HSPBP1: variants seen among roughly 807,000 people sequenced by gnomAD.
HSPBP1 encodes the protein hsp70-binding protein 1.
HSPBP1 carries 31 observed loss-of-function variants against 41.7 expected under a neutral mutation model. That is an observed-to-expected ratio of 0.74 (90% CI 0.56 to 1.00). The LOEUF (loss-of-function observed/expected upper bound fraction) is 1.00, where lower values mean the gene tolerates loss of function less well. HSPBP1 is among the 50% of genes least tolerant of loss of function. The probability of loss-of-function intolerance (pLI) is 0.00; values close to 1 mark genes in which losing one functional copy is unlikely to be tolerated. For missense variants in HSPBP1, 439 were observed against 487.9 expected, an observed-to-expected ratio of 0.90 and a Z score of 0.94; for synonymous variants, 199 against 214.4, an observed-to-expected ratio of 0.93 and a Z score of 0.63.
At chr19:55,262,726 G>A in intron 7 of HSPBP1, 44 bp from the exon 8 acceptor site, 2 of 1,556,134 alleles carry the variant, frequency 1.3e-6, no homozygotes, top group South Asian at 1.2e-5. Flanking sequence ...GAGTGCAGAG[G>A]CCGGACCCTG....
At chr19:55,263,294 A>G (rs908816585) in intron 7 of HSPBP1, among the ~76,000 whole-genome samples, 5 of 152,198 alleles carry the variant, frequency 3.3e-5, no homozygotes, top group African/African-American at 1.2e-4. Flanking sequence ...CTTTTCAACA[A>G]TCAGTTTGAA....
chr19:55,277,757 C>G lies in HSPBP1; in HGVS notation c.300G>C (p.Leu100=). 6.2e-7 allele frequency: 1 copy of G among 1,607,494 alleles called. No individual in the cohort carries two copies. Among genetic ancestry groups the G allele is most frequent in the Non-Finnish European group, 8.5e-7 (1 of 1,176,940 alleles). ...CAGCAGTGGGGGGCATGGGCTGTGACAGCACTCGGAGGCAGCTCTTCATCT... is the reference window on the plus strand; with the variant it reads ...CAGCAGTGGGGGGCATGGGCTGTGAGAGCACTCGGAGGCAGCTCTTCATCT... ...VEQMKSCLRV[L]SQPMPPTAGE... The change falls in exon 3 of 8, where the codon CTG becomes CTC. Residue 100 remains leucine, a synonymous_variant. Coordinates refer to ENST00000433386, the MANE Select transcript of HSPBP1 (RefSeq NM_012267.5).
chr19:55,273,431 C>T (rs979129283), intron 4 of HSPBP1, among the ~76,000 whole-genome samples: 26 of 152,314 alleles, frequency 1.7e-4, no homozygotes, highest in Non-Finnish European at 2.9e-4. Flanking sequence ...CCAGCACATA[C>T]GAAGAGCTCC....
At chr19:55,276,890 GTGT>G (rs1352410053) in intron 3 of HSPBP1, among the ~76,000 whole-genome samples, 3 of 152,118 alleles carry the variant, frequency 2.0e-5, no homozygotes, top group Admixed American at 6.6e-5. Context: ...TCTGTGCCTG[GTGT>G]TGTGCGGGCC....
At chr19:55,266,384 A>G in intron 4 of HSPBP1, 98 bp from the exon 5 acceptor site, 1 of 1,166,794 alleles carries the variant, frequency 8.6e-7, no homozygotes, top group Non-Finnish European at 1.2e-6. Context: ...CATCACCAAC[A>G]TCATCATCAC....
intron 2 of HSPBP1, among the ~76,000 whole-genome samples, chr19:55,278,103 C>A (rs2088125339): frequency 6.6e-6 from 1 of 152,028 alleles, no homozygotes; most frequent in African/African-American, 2.4e-5. Flanking sequence ...AAAAATTAGC[C>A]AGGCCTGGTG....
At position 55,277,640 on chromosome 19, in the gene HSPBP1, A is replaced by G; in HGVS notation, c.415+2T>C. The G allele has an allele frequency of 6.2e-7, 1 of 1,602,992 alleles. No individual in the cohort carries two copies. Among genetic ancestry groups the G allele is most frequent in the Non-Finnish European group, 8.5e-7 (1 of 1,176,152 alleles). On this transcript the variant is annotated splice_donor_variant, in intron 3 of 7. Coordinates refer to ENST00000433386, the MANE Select transcript of HSPBP1 (RefSeq NM_012267.5). LOFTEE classifies it high-confidence loss of function. Reference sequence around the variant, plus strand: ...AACGTCCTGGCGGGGGAAGCGGGGTACCTGCGGCATTGTCCATGTTCTCAC... The same window carrying G: ...AACGTCCTGGCGGGGGAAGCGGGGTGCCTGCGGCATTGTCCATGTTCTCAC...
At chr19:55,263,008 C>T (rs1039711501) in intron 7 of HSPBP1, among the ~76,000 whole-genome samples, 4 of 152,066 alleles carry the variant, frequency 2.6e-5, no homozygotes, top group African/African-American at 7.2e-5. Flanking sequence ...CCCCAGAAAC[C>T]ATGAAAGAAA....
rs972412846 is a variant in HSPBP1 at position 55,272,698 on chromosome 19, G to T, written c.640+1700C>A. Among the ~76,000 whole-genome samples, 3 of 152,048 alleles carry T rather than the reference G, an allele frequency of 2.0e-5. No individual in the cohort carries two copies. The highest frequency in any genetic ancestry group is 7.2e-5 in the African/African-American group (3 of 41,404). On this transcript the variant is annotated intron_variant, in intron 4 of 7. Transcript: ENST00000433386. This position sits in a 1 kb window ranked among gnomAD's most constrained non-coding sequence, Gnocchi z 4.2. ...TCTACTAAAAATACAAAAATTAGCC[G>T]GGCGCGGTGGCGGGCGCCTGTAATC...
In HSPBP1 at chr19:55,280,056, C is replaced by T. The variant is rs1019537466; in HGVS notation, c.-116G>A. 2.3e-4 allele frequency: 57 copies of T among 243,564 alleles called. 1 individual carries two copies. Among genetic ancestry groups the T allele is most frequent in the Non-Finnish European group, 1.7e-4 (21 of 123,878 alleles). The allele number at this position is 243,564 out of a possible 1,614,324, so 15.1% of individuals were successfully genotyped here. A position where few individuals can be genotyped will look rare whatever the true frequency, so the allele number is the denominator to read the frequency against. ...TCACCTCCCCGGGTCCTCAAGCCGC[C>T]GCTGCTCCTACAGACAAAGTCGTCC... On this transcript the variant is annotated 5_prime_UTR_variant, in exon 1 of 8. Coordinates refer to ENST00000433386, the MANE Select transcript of HSPBP1 (RefSeq NM_012267.5).
At position 55,268,747 on chromosome 19, in the gene HSPBP1, C is replaced by T. The variant is rs764526340; in HGVS notation, c.641-2461G>A. On this transcript the variant is annotated intron_variant, in intron 4 of 7. Coordinates refer to ENST00000433386, the MANE Select transcript of HSPBP1 (RefSeq NM_012267.5). This position sits in a 1 kb window ranked among gnomAD's most constrained non-coding sequence, Gnocchi z 4.5. ...GAGTGCAGTGGCAGTTGGCTCACTG[C>T]GACATACGTCTCTCGGGTTCAAGCA... 1.4e-4 allele frequency among the ~76,000 whole-genome samples: 21 copies of T among 151,836 alleles called. No homozygotes were observed. The highest frequency in any genetic ancestry group is 3.4e-3 in the Middle Eastern group (1 of 294).
chr19:55,274,347 A>AG, intron 4 of HSPBP1, 51 bp downstream of exon 4: 3 of 325,716 alleles, frequency 9.2e-6, no homozygotes, highest in Non-Finnish European at 1.7e-5. Context: ...CCCACCCGGC[A>AG]CCCCCCCCCA....
At chr19:55,266,083 C>A in intron 5 of HSPBP1, 48 bp downstream of exon 5, 1 of 1,581,056 alleles carries the variant, frequency 6.3e-7, no homozygotes, top group Non-Finnish European at 8.6e-7. Context: ...TGCACCCACC[C>A]CAGGGCGTCT....
intron 3 of HSPBP1, among the ~76,000 whole-genome samples, chr19:55,275,987 T>G (rs1340034206): frequency 6.8e-6 from 1 of 146,230 alleles, no homozygotes; most frequent in Non-Finnish European, 1.5e-5. Context: ...CCTGATGACA[T>G]GCACCTGTAA....
rs1339154020 is a variant in HSPBP1 at position 55,270,790 on chromosome 19, C to T, written c.640+3608G>A. On this transcript the variant is annotated intron_variant, in intron 4 of 7. Transcript: ENST00000433386. The surrounding 1 kb of genome is among the most constrained non-coding windows in gnomAD (Gnocchi z 5.4). Reference sequence around the variant, plus strand: ...CACATCCACACACCACACATACGCACCACACATACACACCTCATATGCACC... The same window carrying T: ...CACATCCACACACCACACATACGCATCACACATACACACCTCATATGCACC... Among the ~76,000 whole-genome samples, 1 of 151,202 alleles carries T rather than the reference C, an allele frequency of 6.6e-6. No homozygotes were observed. The highest frequency in any genetic ancestry group is 2.4e-5 in the African/African-American group (1 of 41,050).
At chr19:55,277,450 G>C (rs998169935) in intron 3 of HSPBP1, among the ~76,000 whole-genome samples, 192 bp downstream of exon 3, 5 of 151,796 alleles carry the variant, frequency 3.3e-5, no homozygotes, top group African/African-American at 1.2e-4. Context: ...AGCTGATCAG[G>C]GAAGTGGGGG....
intron 4 of HSPBP1, among the ~76,000 whole-genome samples, chr19:55,266,517 CCAT>C (rs1289475975): frequency 3.9e-5 from 3 of 77,128 alleles, no homozygotes; most frequent in African/African-American, 1.6e-4. Flanking sequence ...ACCACCACCA[CCAT>C]CACCACCACC....
intron 7 of HSPBP1, 98 bp downstream of exon 7, chr19:55,265,180 G>T: frequency 4.1e-6 from 2 of 482,288 alleles, no homozygotes; most frequent in South Asian, 3.9e-5. Context: ...GATCCTCCTC[G>T]AACCCCATCC....
Position 55,262,273 on chromosome 19 carries a change from C to G in HSPBP1, c.*335G>C. ...TTATTCTTCCAGTGGCTCCCCAAGT[C>G]CCTTAAACCCGTGCCCCTCCTCCCG... is the stretch of plus-strand genomic sequence containing the variant. On this transcript the variant is annotated 3_prime_UTR_variant, in exon 8 of 8. Coordinates refer to ENST00000433386, the MANE Select transcript of HSPBP1 (RefSeq NM_012267.5). 1 of 776,192 alleles carries G rather than the reference C, an allele frequency of 1.3e-6. No homozygotes were observed. The highest frequency in any genetic ancestry group is 1.6e-6 in the Non-Finnish European group (1 of 609,674). The allele number at this position is 776,192 out of a possible 1,614,324, so 48.1% of individuals were successfully genotyped here.
Sources: allele counts gnomAD v4.1 joint callset (sites outside exome capture counted in the v4.1 genomes callset), GRCh38; gene constraint gnomAD v4.1.1; non-coding constraint Gnocchi (gnomAD v3.1); transcripts MANE v1.5; gene names NCBI Gene and HGNC (gene_info 2026-07-23, HGNC 2026-07-21).